Variants in MAPKAP1 observed in about 807,000 individuals in gnomAD.
The protein encoded by MAPKAP1 is target of rapamycin complex 2 subunit MAPKAP1.
MAPKAP1 carries 20 observed loss-of-function variants against 65.7 expected under a neutral mutation model. The ratio of observed to expected loss-of-function variants is 0.30; its 90% CI spans 0.21 to 0.44. The LOEUF is 0.44. MAPKAP1 is among the 20% of genes least tolerant of loss of function. The probability of loss-of-function intolerance (pLI) is 1.00; values close to 1 mark genes in which losing one functional copy is unlikely to be tolerated. For synonymous variants in MAPKAP1, 222 were observed against 244.3 expected, an observed-to-expected ratio of 0.91 and a Z score of 0.85; for missense variants, 423 against 648.0, an observed-to-expected ratio of 0.65 and a Z score of 3.77.
At chr9:125,640,807 C>G (rs1254709111) in intron 4 of MAPKAP1, among the ~76,000 whole-genome samples, 2 of 152,122 alleles carry the variant, frequency 1.3e-5, no homozygotes, top group African/African-American at 4.8e-5. Context: ...TAGAACCAAG[C>G]TGGAAAAAGC....
chr9:125,479,970 GAAATA>G (rs1203665846), intron 9 of MAPKAP1, among the ~76,000 whole-genome samples: 1 of 152,182 alleles, frequency 6.6e-6, no homozygotes, highest in Non-Finnish European at 1.5e-5. Flanking sequence ...CTAGTCAGGT[GAAATA>G]AAATAAATTA....
chr9:125,596,237 C>A (rs1832121392), intron 4 of MAPKAP1: 2 of 764,592 alleles, frequency 2.6e-6, no homozygotes, highest in Non-Finnish European at 4.8e-6. Flanking sequence ...ATACTTCATC[C>A]AGCGAAAGAG....
chr9:125,448,529 A>AG (rs1852805192), intron 10 of MAPKAP1, among the ~76,000 whole-genome samples: 1 of 152,218 alleles, frequency 6.6e-6, no homozygotes, highest in South Asian at 2.1e-4. Context: ...GAAGAGGAAG[A>AG]GGGGGCCAAT....
chr9:125,659,698 G>C (rs1391025369), intron 3 of MAPKAP1, among the ~76,000 whole-genome samples: 2 of 139,188 alleles, frequency 1.4e-5, no homozygotes, highest in African/African-American at 5.4e-5. Flanking sequence ...TCAGCACACA[G>C]TACTGAAACA....
In MAPKAP1 at chr9:125,447,161, T is replaced by C. The variant is rs146526131; in HGVS notation, c.1346-2563A>G. Among the ~76,000 whole-genome samples, 3 of 152,288 alleles carry C rather than the reference T, an allele frequency of 2.0e-5. No homozygotes were observed. The highest frequency in any genetic ancestry group is 3.9e-4 in the East Asian group (2 of 5,182). ...CCGTCCTCTGAATTTTGAATGTATT[T>C]GGTTGCATGTGGAGGCTGTGTGTGT... On this transcript the variant is annotated intron_variant, in intron 10 of 11. Coordinates refer to ENST00000265960, the MANE Select transcript of MAPKAP1 (RefSeq NM_001006617.3). The surrounding 1 kb of genome is among the most constrained non-coding windows in gnomAD (Gnocchi z 4.5).
chr9:125,704,498 G>C (rs1251386047), intron 1 of MAPKAP1, among the ~76,000 whole-genome samples: 1 of 152,130 alleles, frequency 6.6e-6, no homozygotes, highest in Non-Finnish European at 1.5e-5. Flanking sequence ...TCCTCTACTA[G>C]AATGTCAATA....
intron 10 of MAPKAP1, among the ~76,000 whole-genome samples, chr9:125,457,617 G>C (rs950750421): frequency 6.6e-6 from 1 of 152,240 alleles, no homozygotes; most frequent in South Asian, 2.1e-4. Context: ...ATTGGGCTTT[G>C]TTCTGGTAGA....
chr9:125,484,455 C>A lies in MAPKAP1; in HGVS notation c.1195G>T (p.Asp399Tyr), dbSNP rs924879699. The A allele has an allele frequency of 2.5e-6, 4 of 1,610,764 alleles. No homozygotes were observed. The East Asian group carries it at 6.7e-5, about 27-fold the overall frequency. ...SMIHRLRFTTDVQLGISGDKV... is the reference protein window; with the variant it reads ...SMIHRLRFTTYVQLGISGDKV... ...CTCACACACTTACCTAGCTGTACGT[C>A]GGTTGTGAATCGCAGTCTGTGGATC... The change falls in exon 9 of 12, where the codon GAC becomes TAC. Residue 399 changes from aspartate (D) to tyrosine (Y), a missense_variant. By Grantham distance (160) the Asp-to-Tyr change is radical (BLOSUM62 -3). Around this residue, in one of 6 missense-constraint regions of MAPKAP1, gnomAD observed 185 missense variants for 268.1 expected, o/e 0.69. Transcript: ENST00000265960.
chr9:125,513,541 A>T (rs779664200), intron 7 of MAPKAP1, among the ~76,000 whole-genome samples: 4 of 152,228 alleles, frequency 2.6e-5, no homozygotes, highest in Non-Finnish European at 4.4e-5. Flanking sequence ...GCTGCCAGCT[A>T]TGCATCCTTG....
At chr9:125,667,036 T>C (rs1361640179) in intron 3 of MAPKAP1, among the ~76,000 whole-genome samples, 1 of 151,942 alleles carries the variant, frequency 6.6e-6, no homozygotes, top group Non-Finnish European at 1.5e-5. Context: ...TCAAAATCCG[T>C]GAGACACAGA....
chr9:125,451,134 A>G (rs1476434128), intron 10 of MAPKAP1: 1 of 152,236 alleles, frequency 6.6e-6, no homozygotes, highest in Non-Finnish European at 1.5e-5. Context: ...ATCTCTAATT[A>G]TAAAAACTCC....
chr9:125,467,866 C>G, intron 10 of MAPKAP1, 106 bp downstream of exon 10: 1 of 1,264,974 alleles, frequency 7.9e-7, no homozygotes. Flanking sequence ...AAAACAGACC[C>G]AAGGAAAAAA....
At chr9:125,487,507 C>T (rs1286726857) in intron 8 of MAPKAP1, among the ~76,000 whole-genome samples, 1 of 151,504 alleles carries the variant, frequency 6.6e-6, no homozygotes, top group Admixed American at 6.6e-5. Flanking sequence ...TACAATTTAG[C>T]TCTGAGCTCA....
intron 4 of MAPKAP1, among the ~76,000 whole-genome samples, chr9:125,649,084 C>T (rs1833816115): frequency 6.6e-6 from 1 of 152,126 alleles, no homozygotes; most frequent in Admixed American, 6.5e-5. Context: ...CCTCATTCTT[C>T]GAGGGAGAAG....
In MAPKAP1 at chr9:125,439,765, C is replaced by T. The variant is rs149902991; in HGVS notation, c.1444-753G>A. ...TCTGTGTAGCAGCTGCACCGCCAGG[C>T]GCTTCCCCAGCGCTACAGCGCTGAG... On this transcript the variant is annotated intron_variant, in intron 11 of 11. Transcript: ENST00000265960. The surrounding 1 kb of genome is among the most constrained non-coding windows in gnomAD (Gnocchi z 4.0). 5.3e-3 allele frequency among the ~76,000 whole-genome samples: 810 copies of T among 152,368 alleles called. 6 individuals are homozygous for T. Among genetic ancestry groups the T allele is most frequent in the African/African-American group, 0.018 (759 of 41,588 alleles).
intron 4 of MAPKAP1, among the ~76,000 whole-genome samples, chr9:125,644,356 T>C (rs1833665625): frequency 6.6e-6 from 1 of 151,978 alleles, no homozygotes; most frequent in Admixed American, 6.6e-5. Context: ...TAAGAGTCCT[T>C]GAAAAAAAAA....
At position 125,707,143 on chromosome 9, in the gene MAPKAP1, T is replaced by A; in HGVS notation, c.-242A>T. 1 of 398,120 alleles carries A rather than the reference T, an allele frequency of 2.5e-6. No homozygotes were observed. The highest frequency in any genetic ancestry group is 4.4e-6 in the Non-Finnish European group (1 of 225,710). The allele number at this position is 398,120 out of a possible 1,614,324, so 24.7% of individuals were successfully genotyped here. On this transcript the variant is annotated 5_prime_UTR_variant, in exon 1 of 12. The change abolishes an upstream ATG in the 5' untranslated region. Transcript: ENST00000265960. ...CTGCCGCTTCCCGGGTTAGCCCTCA[T>A]GCCCCTGCTGCTCGCCGCCGCCGGC...
intron 7 of MAPKAP1, among the ~76,000 whole-genome samples, chr9:125,509,275 G>C (rs999696819): frequency 8.9e-5 from 4 of 45,156 alleles, no homozygotes; most frequent in African/African-American, 3.1e-4. Flanking sequence ...ATTTTAAAAA[G>C]GTAAATCTAA....
At chr9:125,629,801 G>A (rs935266978) in intron 4 of MAPKAP1, among the ~76,000 whole-genome samples, 3 of 152,070 alleles carry the variant, frequency 2.0e-5, no homozygotes, top group African/African-American at 4.8e-5. Flanking sequence ...AAGAAGACAC[G>A]GAAATGCAGG....
Sources: allele counts gnomAD v4.1 joint callset (sites outside exome capture counted in the v4.1 genomes callset), GRCh38; gene constraint gnomAD v4.1.1; regional missense constraint gnomAD v4.1.1; non-coding constraint Gnocchi (gnomAD v3.1); transcripts MANE v1.5; gene names NCBI Gene and HGNC (gene_info 2026-07-23, HGNC 2026-07-21).